SLC5A10: variants seen among roughly 807,000 people sequenced by gnomAD.
The protein encoded by SLC5A10 is solute carrier family 5 member 10, also known as sodium/mannose cotransporter SLC5A10.
Under a neutral mutation model 68.9 loss-of-function variants are expected in SLC5A10, and 55 were observed. That is an observed-to-expected ratio of 0.80 (90% confidence interval 0.64 to 1.00). The LOEUF (loss-of-function observed/expected upper bound fraction) is 1.00. SLC5A10 is among the 50% of genes least tolerant of loss of function. The pLI is 0.00. For synonymous variants in SLC5A10, 344 were observed against 344.8 expected (o/e 1.00, Z 0.02); for missense variants, 732 against 819.3 (o/e 0.89, Z 1.30).
At chr17:19,016,320 G>A (rs2044139460) in intron 11 of SLC5A10, among the ~76,000 whole-genome samples, 3 of 152,130 alleles carry the variant, frequency 2.0e-5, no homozygotes, top group Admixed American at 6.5e-5. Context: ...TTACAGGTAT[G>A]AGCCAGTGTG....
chr17:18,982,683 A>G (rs1467490212), intron 9 of SLC5A10, among the ~76,000 whole-genome samples: 31 of 152,110 alleles, frequency 2.0e-4, no homozygotes, highest in Admixed American at 2.0e-3. Context: ...CCTGCCCCCA[A>G]TCCCCCCAGG....
intron 8 of SLC5A10, among the ~76,000 whole-genome samples, chr17:18,973,237 T>C (rs975975408): frequency 2.0e-5 from 3 of 152,246 alleles, no homozygotes; most frequent in African/African-American, 7.2e-5. Context: ...CATGGCACGG[T>C]CTTCTCTGGG....
chr17:18,977,928 C>T (rs1455903569), intron 9 of SLC5A10: 1 of 1,609,562 alleles, frequency 6.2e-7, no homozygotes. Context: ...TCTTCTTCTT[C>T]CACCCCATCC....
chr17:18,983,507 A>G (rs1461382924), intron 9 of SLC5A10, among the ~76,000 whole-genome samples: 3 of 152,210 alleles, frequency 2.0e-5, no homozygotes, highest in African/African-American at 7.2e-5. Context: ...AGTGTGAATG[A>G]GTAGAGGCCC....
At chr17:18,999,365 A>T (rs2043664345) in intron 9 of SLC5A10, among the ~76,000 whole-genome samples, 1 of 151,970 alleles carries the variant, frequency 6.6e-6, no homozygotes, top group Non-Finnish European at 1.5e-5. Flanking sequence ...ATGCAGGGGT[A>T]GGGCTCAGAA....
intron 9 of SLC5A10, among the ~76,000 whole-genome samples, chr17:19,009,005 G>T (rs1263256005): frequency 4.0e-5 from 6 of 151,260 alleles, no homozygotes; most frequent in Non-Finnish European, 7.4e-5. Context: ...TAGAGACAGG[G>T]CTTCACCATC....
intron 9 of SLC5A10, among the ~76,000 whole-genome samples, chr17:19,005,039 GC>G (rs960140238): frequency 6.6e-6 from 1 of 152,212 alleles, no homozygotes; most frequent in Non-Finnish European, 1.5e-5. Context: ...ACCCCCCTGT[GC>G]CCCCAGGGTC....
At position 18,960,556 on chromosome 17, in the gene SLC5A10, C is replaced by G. The variant is rs748003428; in HGVS notation, c.357C>G (p.Thr119=). ...VPIYISSEIV[T]LPEYIQKRYG... ...CCCATGTGCCTTCCCAGATCGTCAC[C>G]TTACCTGAGTACATTCAGAAGCGCT... Residue 119 remains threonine, a synonymous_variant, in exon 5 of 15, where the codon ACC becomes ACG. Coordinates refer to ENST00000395645, the MANE Select transcript of SLC5A10 (RefSeq NM_001042450.4). 1 of 1,613,996 alleles carries G rather than the reference C, an allele frequency of 6.2e-7. No homozygotes were observed. The highest frequency in any genetic ancestry group is 8.5e-7 in the Non-Finnish European group (1 of 1,179,976).
At chr17:19,012,727 G>A (rs1156755553) in intron 9 of SLC5A10, among the ~76,000 whole-genome samples, 1 of 152,180 alleles carries the variant, frequency 6.6e-6, no homozygotes, top group African/African-American at 2.4e-5. Flanking sequence ...GAGGCTGAGT[G>A]GCTGGAGAGT....
intron 9 of SLC5A10, chr17:18,979,572 G>T: frequency 1.9e-6 from 3 of 1,613,418 alleles, no homozygotes; most frequent in Non-Finnish European, 2.5e-6. Flanking sequence ...ACACAGCCCG[G>T]TCTCCATCCA....
intron 9 of SLC5A10, 96 bp from the exon 10 acceptor site, chr17:19,013,314 C>T (rs767525090): frequency 2.6e-6 from 4 of 1,551,000 alleles, no homozygotes; most frequent in African/African-American, 1.4e-5. Flanking sequence ...ATTGATGGAG[C>T]AGGTCTGGGC....
chr17:19,015,098 G>A lies in SLC5A10; in HGVS notation c.1140G>A (p.Ser380=), dbSNP rs769863303. 6.8e-6 allele frequency: 11 copies of A among 1,611,912 alleles called. No individual in the cohort carries two copies. Among genetic ancestry groups the A allele is most frequent in the South Asian group, 6.6e-5 (6 of 91,058 alleles). ...IAVMLAALMS[S]LTSIFNSSST... is the part of the protein sequence containing the mutation. ...TGATGCTGGCGGCGCTCATGTCGTCGCTGACCTCCATCTTCAACAGCAGCA... is the reference window on the plus strand; with the variant it reads ...TGATGCTGGCGGCGCTCATGTCGTCACTGACCTCCATCTTCAACAGCAGCA... Residue 380 remains serine (S), a synonymous_variant, in exon 11 of 15, where the codon TCG becomes TCA. Transcript: ENST00000395645.
chr17:18,997,415 A>G (rs2043595877), intron 9 of SLC5A10, among the ~76,000 whole-genome samples: 1 of 152,240 alleles, frequency 6.6e-6, no homozygotes, highest in South Asian at 2.1e-4. Context: ...GAATCCTCAG[A>G]GCTTCCAGGC....
At chr17:18,955,111 GA>G (rs2042471702) in intron 1 of SLC5A10, among the ~76,000 whole-genome samples, 1 of 135,502 alleles carries the variant, frequency 7.4e-6, no homozygotes, top group South Asian at 2.5e-4. Flanking sequence ...AAAAAAAAAA[GA>G]ATTCAGGAAA....
At chr17:18,952,401 G>A (rs555629320) in intron 1 of SLC5A10, 85 bp downstream of exon 1, 1 of 1,491,038 alleles carries the variant, frequency 6.7e-7, no homozygotes, top group East Asian at 2.5e-5. Context: ...ATGTCCCTGT[G>A]GTGTCAGCAT....
intron 9 of SLC5A10, among the ~76,000 whole-genome samples, chr17:18,997,562 A>G (rs548390714): frequency 1.3e-5 from 2 of 152,380 alleles, no homozygotes; most frequent in African/African-American, 4.8e-5. Flanking sequence ...AGGGTCCAAG[A>G]GCGACAGACA....
intron 7 of SLC5A10, 63 bp from the exon 8 acceptor site, chr17:18,970,950 G>A (rs1056620697): frequency 9.3e-6 from 14 of 1,505,778 alleles, no homozygotes; most frequent in African/African-American, 2.8e-5. Flanking sequence ...AGGCAGGGGG[G>A]AGCCCAGGGA....
rs961174224 is a variant in SLC5A10, at chr17:18,972,430, G to A, written c.846+1212G>A. 6.4e-4 allele frequency among the ~76,000 whole-genome samples: 97 copies of A among 152,202 alleles called. 1 individual carries two copies. Among genetic ancestry groups the A allele is most frequent in the Non-Finnish European group, 2.9e-5 (2 of 68,034 alleles). On this transcript the variant is annotated intron_variant, in intron 8 of 14. Coordinates refer to ENST00000395645, the MANE Select transcript of SLC5A10 (RefSeq NM_001042450.4). Reference sequence around the variant, plus strand: ...CGACCAGCTCCATTCATAGGCCAGAGCACTGAGGCCAGAGACAGAGCTGGA... The same window carrying A: ...CGACCAGCTCCATTCATAGGCCAGAACACTGAGGCCAGAGACAGAGCTGGA...
At chr17:18,995,911 TAA>T (rs555014135) in intron 9 of SLC5A10, among the ~76,000 whole-genome samples, 52 of 125,178 alleles carry the variant, frequency 4.2e-4, no homozygotes, top group Non-Finnish European at 3.4e-4. Context: ...CTGTCTCAAT[TAA>T]AAAAAAAAAA....
Sources: allele counts gnomAD v4.1 joint callset (sites outside exome capture counted in the v4.1 genomes callset), GRCh38; gene constraint gnomAD v4.1.1; transcripts MANE v1.5; gene names NCBI Gene and HGNC (gene_info 2026-07-23, HGNC 2026-07-21).